The following DYNC2I2 variants were observed in gnomAD, a reference collection of about 807,000 sequenced individuals.
DYNC2I2 encodes the protein cytoplasmic dynein 2 intermediate chain 2.
DYNC2I2 carries 39 observed loss-of-function variants against 52.0 expected under a neutral mutation model. The observed-to-expected ratio is 0.75, with a 90% CI of 0.58 to 0.98. The LOEUF is 0.98. Among genes scored for constraint, DYNC2I2 ranks in the 50% least tolerant of loss-of-function variants. The pLI, the probability that DYNC2I2 is intolerant of heterozygous loss-of-function variation, is 0.00. For missense variants in DYNC2I2, 743 were observed against 728.4 expected, an observed-to-expected ratio of 1.02 and a Z score of -0.23; for synonymous variants, 359 against 321.1, an observed-to-expected ratio of 1.12 and a Z score of -1.26.
intron 1 of DYNC2I2, among the ~76,000 whole-genome samples, chr9:128,649,732 C>T (rs1380312301): frequency 1.6e-5 from 2 of 125,158 alleles, no homozygotes; most frequent in Non-Finnish European, 1.6e-5. Context: ...CAGTGGCTCA[C>T]ACCTGTAATC....
At chr9:128,647,365 G>A (rs1049777893) in intron 1 of DYNC2I2, among the ~76,000 whole-genome samples, 2 of 152,118 alleles carry the variant, frequency 1.3e-5, no homozygotes, top group African/African-American at 4.8e-5. Context: ...TGGGAGTCAG[G>A]ATCCTCACTT....
chr9:128,653,749 C>T (rs192852719), intron 1 of DYNC2I2, among the ~76,000 whole-genome samples: 26 of 151,664 alleles, frequency 1.7e-4, no homozygotes, highest in African/African-American at 5.8e-4. Flanking sequence ...CAGTGGCTCA[C>T]GCCTGTAATC....
intron 7 of DYNC2I2, 74 bp downstream of exon 7, chr9:128,634,615 G>A (rs1010380191): frequency 9.8e-6 from 14 of 1,423,024 alleles, no homozygotes; most frequent in Non-Finnish European, 1.3e-5. Flanking sequence ...AGTTTGTCAT[G>A]AGGCTTGGCA....
the DYNC2I2 span, among the ~76,000 whole-genome samples, chr9:128,664,111 C>A: frequency 6.6e-6 from 1 of 151,954 alleles, no homozygotes; most frequent in African/African-American, 2.4e-5. Flanking sequence ...GTGGCCGCCA[C>A]CACACCTGGC....
chr9:128,679,215 C>T, the DYNC2I2 span, among the ~76,000 whole-genome samples: 1 of 152,124 alleles, frequency 6.6e-6, no homozygotes. Flanking sequence ...CGTGGTTATT[C>T]TCTTCATGAT....
the DYNC2I2 span, among the ~76,000 whole-genome samples, chr9:128,668,160 C>CT: frequency 6.6e-6 from 1 of 151,774 alleles, no homozygotes; most frequent in African/African-American, 2.4e-5. Flanking sequence ...GGGGTTTCAT[C>CT]ATGTTGGCCA....
chr9:128,635,360 TCTCCGGGAGGCCCC>T, intron 5 of DYNC2I2, 101 bp from the exon 6 acceptor site: 1 of 1,388,234 alleles, frequency 7.2e-7, no homozygotes, highest in East Asian at 2.5e-5. Flanking sequence ...AAAAAAAAAT[TCTCCGGGAGGCCCC>T]AGAACCAGGC....
the DYNC2I2 span, among the ~76,000 whole-genome samples, chr9:128,669,781 G>T: frequency 6.6e-6 from 1 of 152,094 alleles, no homozygotes; most frequent in African/African-American, 2.4e-5. Context: ...CAGGTTCAAG[G>T]GATTCTCCTG....
intron 1 of DYNC2I2, among the ~76,000 whole-genome samples, chr9:128,641,955 G>C (rs1005349728): frequency 1.3e-5 from 2 of 150,114 alleles, no homozygotes; most frequent in African/African-American, 5.0e-5. Flanking sequence ...TTGGCACAAA[G>C]CAGATGTTCA....
At chr9:128,668,295 C>G in the DYNC2I2 span, among the ~76,000 whole-genome samples, 3 of 139,010 alleles carry the variant, frequency 2.2e-5, no homozygotes, top group Non-Finnish European at 5.0e-5. Flanking sequence ...TGCCCGCCTC[C>G]GCCTCCCAGA....
In DYNC2I2 at chr9:128,634,255, GGCC is replaced by G. The variant is rs1211177740; in HGVS notation, c.1340_1342del (p.Arg447del). The G allele has an allele frequency of 6.2e-7, 1 of 1,613,736 alleles. No individual in the cohort carries two copies. Among genetic ancestry groups the G allele is most frequent in the Admixed American group, 1.7e-5 (1 of 60,000 alleles). ...CCCAGAGGCAGCTGCAAAAACCAAGGGCCGCACTGGGGACCAGCGCACAGCAAA... is the reference window on the plus strand; with the variant it reads ...CCCAGAGGCAGCTGCAAAAACCAAGGGCACTGGGGACCAGCGCACAGCAAA... On this transcript the variant is annotated inframe_deletion, in exon 8 of 9. Coordinates refer to ENST00000372715, the MANE Select transcript of DYNC2I2 (RefSeq NM_052844.4).
chr9:128,648,954 C>G (rs1347684126), intron 1 of DYNC2I2, among the ~76,000 whole-genome samples: 1 of 152,090 alleles, frequency 6.6e-6, no homozygotes, highest in African/African-American at 2.4e-5. Context: ...CACAAGAAAC[C>G]ATTCAATTCA....
the DYNC2I2 span, among the ~76,000 whole-genome samples, chr9:128,680,899 C>T: frequency 6.6e-6 from 1 of 151,772 alleles, no homozygotes; most frequent in Non-Finnish European, 1.5e-5. Flanking sequence ...TGGTCTCAAA[C>T]TCCTGACCTC....
chr9:128,660,812 C>G (rs1860908953), upstream of DYNC2I2, among the ~76,000 whole-genome samples: 1 of 151,976 alleles, frequency 6.6e-6, no homozygotes, highest in Non-Finnish European at 1.5e-5. Flanking sequence ...TCATTGCAAC[C>G]TTCACCTCTT....
At chr9:128,679,803 C>T in the DYNC2I2 span, among the ~76,000 whole-genome samples, 7 of 151,798 alleles carry the variant, frequency 4.6e-5, no homozygotes, top group Admixed American at 3.3e-4. Context: ...GCCATGATTG[C>T]GCCACTGCAT....
At chr9:128,638,015 T>C (rs1381494081) in intron 2 of DYNC2I2, among the ~76,000 whole-genome samples, 1 of 151,982 alleles carries the variant, frequency 6.6e-6, no homozygotes, top group Admixed American at 6.6e-5. Flanking sequence ...GGCAGGAGGA[T>C]AGCTTAAGCT....
upstream of DYNC2I2, among the ~76,000 whole-genome samples, chr9:128,661,262 C>G (rs1202021030): frequency 6.8e-6 from 1 of 147,356 alleles, no homozygotes. Flanking sequence ...GAATTGCTAC[C>G]CCACTGCACT....
the DYNC2I2 span, among the ~76,000 whole-genome samples, chr9:128,682,672 C>CTT: frequency 2.6e-3 from 311 of 120,550 alleles, 2 homozygotes; most frequent in African/African-American, 5.3e-3. Context: ...GGGACCTTGT[C>CTT]TTTTTTTTTT....
chr9:128,635,076 C>G lies in DYNC2I2; in HGVS notation c.981+16G>C. 1 of 1,603,272 alleles carries G rather than the reference C, an allele frequency of 6.2e-7. No individual in the cohort carries two copies. Among genetic ancestry groups the G allele is most frequent in the Non-Finnish European group, 8.5e-7 (1 of 1,173,646 alleles). ...TCACCGGCGCAGGCCAGGGCAGTTT[C>G]CGGGTGCCCACGTACCTTCTTGAGC... On this transcript the variant is annotated intron_variant, in intron 6 of 8. Coordinates refer to ENST00000372715, the MANE Select transcript of DYNC2I2 (RefSeq NM_052844.4).
Sources: allele counts gnomAD v4.1 joint callset (sites outside exome capture counted in the v4.1 genomes callset), GRCh38; gene constraint gnomAD v4.1.1; transcripts MANE v1.5; gene names NCBI Gene and HGNC (gene_info 2026-07-23, HGNC 2026-07-21).